The following RASSF2 variants were observed in gnomAD, a reference collection of about 807,000 sequenced individuals.
RASSF2 encodes ras association domain-containing protein 2.
In RASSF2, 34 loss-of-function variants were observed where a neutral mutation model predicts 46.3. The ratio of observed to expected loss-of-function variants is 0.73; its 90% confidence interval spans 0.56 to 0.98. The LOEUF is 0.98. Among genes scored for constraint, RASSF2 ranks in the 50% least tolerant of loss-of-function variants. The probability of loss-of-function intolerance (pLI) is 0.00; values close to 1 mark genes in which losing one functional copy is unlikely to be tolerated. For synonymous variants in RASSF2, 158 were observed against 162.5 expected (o/e 0.97, Z 0.21); for missense variants, 364 against 431.2 (o/e 0.84, Z 1.38).
rs552675770 is a variant in RASSF2 at position 4,790,846 on chromosome 20, T to G, written c.377-235A>C. On this transcript the variant is annotated intron_variant, in intron 6 of 11. Transcript: ENST00000379400. This position sits in a 1 kb window ranked among gnomAD's most constrained non-coding sequence, Gnocchi z 4.3. ...TCCCTGGGTTCAAATCCCTGCTCCATGATTGCCATATATCACTAACCTCTC... is the reference window on the plus strand; with the variant it reads ...TCCCTGGGTTCAAATCCCTGCTCCAGGATTGCCATATATCACTAACCTCTC... Among the ~76,000 whole-genome samples, 1 of 152,252 alleles carries G rather than the reference T, an allele frequency of 6.6e-6. No individual in the cohort carries two copies. The highest frequency in any genetic ancestry group is 2.4e-5 in the African/African-American group (1 of 41,548).
At chr20:4,816,922 G>A (rs4813721) in intron 2 of RASSF2, among the ~76,000 whole-genome samples, 72,870 of 151,846 alleles carry the variant, frequency 0.48, 18,190 homozygotes, top group Non-Finnish European at 0.55. Context: ...TGGCCAACAT[G>A]GTGAAACCCT....
intron 2 of RASSF2, among the ~76,000 whole-genome samples, chr20:4,802,353 G>T (rs1306095334): frequency 1.3e-5 from 2 of 152,012 alleles, no homozygotes; most frequent in Admixed American, 6.6e-5. Context: ...CAAAACTGTC[G>T]ACAGACACTA....
intron 3 of RASSF2, among the ~76,000 whole-genome samples, chr20:4,799,318 A>G (rs1926666518): frequency 6.6e-6 from 1 of 152,188 alleles, no homozygotes; most frequent in African/African-American, 2.4e-5. Flanking sequence ...GATCAGGGAA[A>G]TCCCTCATCA....
rs1274594288 is a variant in RASSF2, at chr20:4,786,380, A to T, written c.814-52T>A. On this transcript the variant is annotated intron_variant, in intron 10 of 11. Coordinates refer to ENST00000379400, the MANE Select transcript of RASSF2 (RefSeq NM_014737.3). ...GAATGCCCTTCCCAGCATTATTCCA[A>T]TTCCTTTCAGGGTTGTCCTTATACA... 2.1e-6 allele frequency: 3 copies of T among 1,403,908 alleles called. No individual in the cohort carries two copies. In the East Asian group the frequency reaches 6.8e-5, roughly 32 times the overall value. The allele number at this position is 1,403,908 out of a possible 1,614,324, so 87.0% of individuals were successfully genotyped here.
intron 10 of RASSF2, among the ~76,000 whole-genome samples, chr20:4,786,834 G>A (rs2422983): frequency 0.29 from 43,806 of 151,834 alleles, 6,691 homozygotes; most frequent in African/African-American, 0.38. Flanking sequence ...CTGTAATCCC[G>A]GCACTTTGGG....
chr20:4,813,378 T>C (rs1452307734), intron 2 of RASSF2, among the ~76,000 whole-genome samples: 1 of 152,134 alleles, frequency 6.6e-6, no homozygotes, highest in African/African-American at 2.4e-5. Context: ...CTGCCCAAGC[T>C]GTCTGCACAG....
intron 2 of RASSF2, among the ~76,000 whole-genome samples, chr20:4,810,488 G>T (rs188246745): frequency 3.9e-5 from 6 of 152,270 alleles, no homozygotes; most frequent in Admixed American, 2.6e-4. Flanking sequence ...TGATCAGGGA[G>T]CCTGGAGAAC....
intron 2 of RASSF2, among the ~76,000 whole-genome samples, chr20:4,804,625 A>T (rs1171077206): frequency 3.3e-5 from 5 of 152,186 alleles, no homozygotes; most frequent in Non-Finnish European, 5.9e-5. Flanking sequence ...GGCCTGAGCC[A>T]CCATGCCTGG....
chr20:4,794,039 G>C (rs2423000), intron 5 of RASSF2, among the ~76,000 whole-genome samples: 1 of 152,008 alleles, frequency 6.6e-6, no homozygotes, highest in Non-Finnish European at 1.5e-5. Context: ...TCAGGGTCAG[G>C]CTGTGAAATG....
chr20:4,822,581 G>C (rs565320460), intron 1 of RASSF2, among the ~76,000 whole-genome samples, 178 bp from the exon 2 acceptor site: 4 of 152,380 alleles, frequency 2.6e-5, no homozygotes, highest in Admixed American at 2.6e-4. Context: ...CTCCGACTTA[G>C]AGCTGAATGC....
At chr20:4,792,942 A>C in intron 5 of RASSF2, 2 of 371,488 alleles carry the variant, frequency 5.4e-6, no homozygotes. Context: ...AAGGAACAAA[A>C]CCCACGTGTT....
intron 9 of RASSF2, 89 bp downstream of exon 9, chr20:4,788,125 AAAC>A (rs1925529984): frequency 2.4e-6 from 3 of 1,268,826 alleles, no homozygotes; most frequent in Non-Finnish European, 2.3e-6. Context: ...TCCAAAACTC[AAAC>A]AACAAGCAAA....
chr20:4,792,670 A>G (rs1054872333), intron 5 of RASSF2, 43 bp from the exon 6 acceptor site: 3 of 1,598,746 alleles, frequency 1.9e-6, no homozygotes, highest in Non-Finnish European at 2.6e-6. Context: ...GACTAGTTTA[A>G]GCCCTGTGGA....
Position 4,783,565 on chromosome 20 carries a change from T to A in RASSF2, c.*708A>T, listed in dbSNP as rs537963312. ...GTTTCCACATAGAACATCACATATG[T>A]CTTTGTCATTTAAAACAATCAACGT... is the stretch of plus-strand genomic sequence containing the variant. On this transcript the variant is annotated 3_prime_UTR_variant, in exon 12 of 12. Coordinates refer to ENST00000379400, the MANE Select transcript of RASSF2 (RefSeq NM_014737.3). The A allele has an allele frequency of 7.2e-5, 11 of 152,808 alleles. No individual in the cohort carries two copies. Among genetic ancestry groups the A allele is most frequent in the African/African-American group, 2.6e-4 (11 of 41,578 alleles). 9.5% of individuals were successfully genotyped at this position (152,808 alleles called of 1,614,324 possible). A position where few individuals can be genotyped will look rare whatever the true frequency, so the allele number is the denominator to read the frequency against.
At chr20:4,788,117 C>G in intron 9 of RASSF2, 100 bp downstream of exon 9, 1 of 1,221,316 alleles carries the variant, frequency 8.2e-7, no homozygotes. Flanking sequence ...TGGAAGTTTC[C>G]AAAACTCAAA....
intron 2 of RASSF2, among the ~76,000 whole-genome samples, chr20:4,804,387 G>T (rs1257817047): frequency 6.9e-6 from 1 of 144,142 alleles, no homozygotes. Flanking sequence ...ACCCAGGCTG[G>T]AATGCAGTGG....
At chr20:4,794,538 G>A (rs1185493047) in intron 5 of RASSF2, among the ~76,000 whole-genome samples, 3 of 151,888 alleles carry the variant, frequency 2.0e-5, no homozygotes, top group Admixed American at 6.6e-5. Context: ...CTGCACTCCA[G>A]CCTGGGCAAC....
chr20:4,817,817 T>C (rs1298581794), intron 2 of RASSF2, among the ~76,000 whole-genome samples: 1 of 152,134 alleles, frequency 6.6e-6, no homozygotes, highest in African/African-American at 2.4e-5. Context: ...CAGGAAAGGT[T>C]TTTTGTCATT....
intron 2 of RASSF2, among the ~76,000 whole-genome samples, chr20:4,813,780 GGC>G (rs1253237446): frequency 3.1e-5 from 4 of 128,294 alleles, no homozygotes; most frequent in Admixed American, 8.8e-5. Context: ...TCCAGTGTGT[GGC>G]GTGTGTGTGT....
Sources: gnomAD v4.1 joint callset for allele counts (sites outside exome capture counted in the v4.1 genomes callset) on GRCh38, gnomAD v4.1.1 for gene constraint, Gnocchi (gnomAD v3.1) non-coding constraint, MANE v1.5 for transcripts, NCBI Gene and HGNC (gene_info 2026-07-23, HGNC 2026-07-21) for gene names.